Variants in NTM observed in about 807,000 individuals in gnomAD.
NTM encodes the protein IgLON family member 2.
A neutral mutation model predicts 42.1 loss-of-function variants in NTM; 13 were observed. The observed-to-expected ratio is 0.31, with a 90% confidence interval of 0.20 to 0.49. The LOEUF (loss-of-function observed/expected upper bound fraction) is 0.49. NTM is among the 20% of genes least tolerant of loss of function. The pLI, the probability that NTM is intolerant of heterozygous loss-of-function variation, is 0.99. For synonymous variants in NTM, 187 were observed against 179.2 expected (o/e 1.04, Z -0.35); for missense variants, 373 against 452.8 (o/e 0.82, Z 1.60).
chr11:131,609,374 A>G (rs4936142), intron 1 of NTM, among the ~76,000 whole-genome samples: 70,308 of 152,074 alleles, frequency 0.46, 17,257 homozygotes, highest in East Asian at 0.61. Context: ...AGTCATTTAA[A>G]CCCAGACAGG....
At chr11:131,895,253 C>T (rs1046435524) in intron 1 of NTM, among the ~76,000 whole-genome samples, 1 of 152,168 alleles carries the variant, frequency 6.6e-6, no homozygotes, top group African/African-American at 2.4e-5. Flanking sequence ...AGGTCAGCCT[C>T]TCTAGATCTT....
chr11:132,176,141 G>A (rs2076776378), intron 3 of NTM, among the ~76,000 whole-genome samples: 1 of 152,164 alleles, frequency 6.6e-6, no homozygotes, highest in South Asian at 2.1e-4. Context: ...AAGTGTAACT[G>A]TATGTGGAAG....
chr11:132,264,540 A>G (rs751122099), intron 4 of NTM, among the ~76,000 whole-genome samples: 2 of 152,106 alleles, frequency 1.3e-5, no homozygotes, highest in African/African-American at 2.4e-5. Context: ...CTATTCCTTT[A>G]TGGCTTTATC....
Position 131,819,741 on chromosome 11 carries a change from C to T in NTM, c.83-91823C>T, listed in dbSNP as rs188563148. Among the ~76,000 whole-genome samples the T allele has an allele frequency of 1.5e-3, 226 of 152,262 alleles. 4 individuals carry two copies. Among genetic ancestry groups the T allele is most frequent in the Non-Finnish European group, 3.8e-4 (26 of 68,014 alleles). On this transcript the variant is annotated intron_variant, in intron 1 of 8. Coordinates refer to ENST00000683400, the MANE Select transcript of NTM (RefSeq NM_001352005.2). ...GCCCTGCCACCATGGGATGGAAACA[C>T]GTCCGTGTTCGGGGCTGTGACAGAA...
chr11:131,754,258 T>C (rs2083001152), intron 1 of NTM, among the ~76,000 whole-genome samples: 1 of 151,800 alleles, frequency 6.6e-6, no homozygotes, highest in South Asian at 2.1e-4. Flanking sequence ...GTTGTGCACA[T>C]GTACCCTAAA....
Position 132,044,152 on chromosome 11 carries a change from G to A in NTM, c.168-102130G>A, listed in dbSNP as rs1029004514. Among the ~76,000 whole-genome samples the A allele has an allele frequency of 2.2e-4, 15 of 68,000 alleles. No homozygotes were observed. In the East Asian group the frequency reaches 0.011, roughly 50 times the overall value. 44.6% of individuals were successfully genotyped at this position (68,000 alleles called of 152,430 possible). On this transcript the variant is annotated intron_variant, in intron 2 of 8. Coordinates refer to ENST00000683400, the MANE Select transcript of NTM (RefSeq NM_001352005.2). ...TATATGTGTGTGTGTATGTGCGTGTGTGTGTGTGTGTGCTTATGTGCATGT... is the reference window on the plus strand; with the variant it reads ...TATATGTGTGTGTGTATGTGCGTGTATGTGTGTGTGTGCTTATGTGCATGT...
At chr11:131,789,522 AAG>A (rs1368985492) in intron 1 of NTM, among the ~76,000 whole-genome samples, 1 of 23,528 alleles carries the variant, frequency 4.3e-5, no homozygotes, top group African/African-American at 2.4e-4. Flanking sequence ...GAAGAAGAAG[AAG>A]AAGAAGAAGA....
intron 7 of NTM, among the ~76,000 whole-genome samples, chr11:132,321,679 G>A (rs1371975757): frequency 6.6e-6 from 1 of 151,634 alleles, no homozygotes; most frequent in Non-Finnish European, 1.5e-5. Flanking sequence ...TACAGAGAAT[G>A]CCACAAAGAT....
In NTM at chr11:132,174,389, G is replaced by A. The variant is rs191199663; in HGVS notation, c.400+27875G>A. 2.6e-3 allele frequency among the ~76,000 whole-genome samples: 390 copies of A among 152,332 alleles called. 1 individual carries two copies. Among genetic ancestry groups the A allele is most frequent in the African/African-American group, 9.0e-3 (376 of 41,580 alleles). On this transcript the variant is annotated intron_variant, in intron 3 of 8. Coordinates refer to ENST00000683400, the MANE Select transcript of NTM (RefSeq NM_001352005.2). ...CTAATGACCCCTGTACTTATGTGAT[G>A]CATTATTTTAGGCTCTAAAAAAATC...
intron 4 of NTM, among the ~76,000 whole-genome samples, chr11:132,236,021 C>CACACACAT (rs71477750): frequency 0.22 from 32,945 of 150,788 alleles, 3,650 homozygotes; most frequent in Middle Eastern, 0.32. Flanking sequence ...CACACACACA[C>CACACACAT]AACAAAATTG....
intron 1 of NTM, among the ~76,000 whole-genome samples, chr11:131,666,519 T>C (rs762742766): frequency 6.6e-6 from 1 of 152,102 alleles, no homozygotes; most frequent in Non-Finnish European, 1.5e-5. Flanking sequence ...ATTGGAGCCA[T>C]GCCTACAACC....
At chr11:132,155,202 T>C (rs1381312163) in intron 3 of NTM, among the ~76,000 whole-genome samples, 1 of 152,166 alleles carries the variant, frequency 6.6e-6, no homozygotes, top group East Asian at 1.9e-4. Context: ...ATTTTGATAA[T>C]TACCTGGAAA....
At chr11:131,846,898 A>G (rs746587477) in intron 1 of NTM, among the ~76,000 whole-genome samples, 6 of 152,136 alleles carry the variant, frequency 3.9e-5, no homozygotes, top group Non-Finnish European at 8.8e-5. Flanking sequence ...GAAAATCAGG[A>G]AGGGAGGGGC....
At position 131,620,698 on chromosome 11, in the gene NTM, C is replaced by T. The variant is rs138766252; in HGVS notation, c.82+249810C>T. ...GACTTCACTCAAGTCTATGCTCCCA[C>T]GCTATTTCCTAATGGAGTGGGTCCA... On this transcript the variant is annotated intron_variant, in intron 1 of 8. Transcript: ENST00000683400. Among the ~76,000 whole-genome samples, 180 of 152,318 alleles carry T rather than the reference C, an allele frequency of 1.2e-3. 1 individual carries two copies. Among genetic ancestry groups the T allele is most frequent in the African/African-American group, 3.8e-3 (158 of 41,568 alleles).
intron 1 of NTM, among the ~76,000 whole-genome samples, chr11:131,682,589 GC>G (rs1196933566): frequency 6.6e-6 from 1 of 152,220 alleles, no homozygotes; most frequent in African/African-American, 2.4e-5. Context: ...CTTAAACCCT[GC>G]AAAGTAGAGG....
chr11:131,777,645 C>T (rs928680456), intron 1 of NTM, among the ~76,000 whole-genome samples: 2 of 152,126 alleles, frequency 1.3e-5, no homozygotes, highest in East Asian at 3.9e-4. Flanking sequence ...AAATGACTTC[C>T]AAAAGTATTG....
chr11:131,655,373 G>A lies in NTM; in HGVS notation c.83-256191G>A, dbSNP rs118047724. Among the ~76,000 whole-genome samples, 303 of 152,264 alleles carry A rather than the reference G, an allele frequency of 2.0e-3. 1 individual carries two copies. Among genetic ancestry groups the A allele is most frequent in the Middle Eastern group, 6.8e-3 (2 of 294 alleles). On this transcript the variant is annotated intron_variant, in intron 1 of 8. Coordinates refer to ENST00000683400, the MANE Select transcript of NTM (RefSeq NM_001352005.2). ...TTTCCAGACACTTGCTCCATCATCC[G>A]GGAGAAGATGCTAATTAGTAGCATT...
intron 2 of NTM, among the ~76,000 whole-genome samples, chr11:131,945,788 G>C (rs2060275112): frequency 6.6e-6 from 1 of 152,166 alleles, no homozygotes; most frequent in Non-Finnish European, 1.5e-5. Flanking sequence ...ACTTAGAAGA[G>C]TGAATATAAT....
chr11:131,384,488 G>A (rs557732094), intron 1 of NTM, among the ~76,000 whole-genome samples: 56 of 152,314 alleles, frequency 3.7e-4, no homozygotes, highest in Non-Finnish European at 7.5e-4. Flanking sequence ...CGGAACAATG[G>A]GGTGGGGATA....
Sources: allele counts gnomAD v4.1 joint callset (sites outside exome capture counted in the v4.1 genomes callset), GRCh38; gene constraint gnomAD v4.1.1; transcripts MANE v1.5; gene names NCBI Gene and HGNC (gene_info 2026-07-23, HGNC 2026-07-21).